The following PRMT7 variants were observed in gnomAD, a reference collection of about 807,000 sequenced individuals.
PRMT7 encodes protein arginine N-methyltransferase 7.
Under a neutral mutation model 85.4 loss-of-function variants are expected in PRMT7, and 75 were observed. The observed-to-expected ratio is 0.88, with a 90% CI of 0.73 to 1.06. The LOEUF (loss-of-function observed/expected upper bound fraction) is 1.06. Ranked by LOEUF, PRMT7 falls within the 50% of genes least tolerant of loss-of-function variation. The probability of loss-of-function intolerance (pLI) is 0.00; values close to 1 mark genes in which losing one functional copy is unlikely to be tolerated. For missense variants in PRMT7, 868 were observed against 915.2 expected, an observed-to-expected ratio of 0.95 and a Z score of 0.67; for synonymous variants, 397 against 359.5, an observed-to-expected ratio of 1.10 and a Z score of -1.18.
Position 68,339,862 on chromosome 16 carries a change from G to A in PRMT7, c.821G>A (p.Arg274Gln), listed in dbSNP as rs200225862. 1.4e-5 allele frequency: 23 copies of A among 1,614,170 alleles called. No individual in the cohort carries two copies. The highest frequency in any genetic ancestry group is 1.3e-4 in the South Asian group (12 of 91,082). ...CGGTTTGAACCTCTGACATCTGGCCGAGCTCAGGTGGTTCTCTCGTGGTGG... is the reference window on the plus strand; with the variant it reads ...CGGTTTGAACCTCTGACATCTGGCCAAGCTCAGGTGGTTCTCTCGTGGTGG... ...SRRFEPLTSGRAQVVLSWWDI... is the reference protein window; with the variant it reads ...SRRFEPLTSGQAQVVLSWWDI... The change falls in exon 9 of 19, where the codon CGA (arginine) becomes CAA (glutamine). Residue 274 changes from arginine (R) to glutamine (Q), a missense_variant. Transcript: ENST00000441236.
chr16:68,320,539 G>C (rs1339321684), intron 3 of PRMT7, among the ~76,000 whole-genome samples: 1 of 152,212 alleles, frequency 6.6e-6, no homozygotes, highest in Non-Finnish European at 1.5e-5. Context: ...GTTCAGGAAC[G>C]CCTTAAGCGA....
chr16:68,326,316 A>C (rs1363644475), intron 5 of PRMT7, among the ~76,000 whole-genome samples: 1 of 152,102 alleles, frequency 6.6e-6, no homozygotes, highest in Non-Finnish European at 1.5e-5. Context: ...CGTGATCTCT[A>C]TTCACCGCAA....
At chr16:68,334,348 C>A (rs911879049) in intron 6 of PRMT7, among the ~76,000 whole-genome samples, 2 of 152,136 alleles carry the variant, frequency 1.3e-5, no homozygotes, top group Non-Finnish European at 2.9e-5. Context: ...AAGTGGCTTC[C>A]TCATTGCCAA....
intron 6 of PRMT7, 58 bp from the exon 7 acceptor site, chr16:68,337,401 G>A: frequency 8.2e-7 from 1 of 1,215,956 alleles, no homozygotes. Context: ...CATATTTGCT[G>A]TAAATATTTT....
At chr16:68,344,957 C>CACACACACACACACACACAT (rs56139077) in intron 9 of PRMT7, among the ~76,000 whole-genome samples, 34 of 127,544 alleles carry the variant, frequency 2.7e-4, no homozygotes, top group Non-Finnish European at 5.4e-4. Flanking sequence ...CACACACACA[C>CACACACACACACACACACAT]GGGCATGCAC....
intron 9 of PRMT7, among the ~76,000 whole-genome samples, chr16:68,343,072 G>C (rs2085778029): frequency 6.6e-6 from 1 of 152,062 alleles, no homozygotes; most frequent in South Asian, 2.1e-4. Flanking sequence ...GCCGGGCATG[G>C]TGGCAGGCGC....
At position 68,348,288 on chromosome 16, in the gene PRMT7, G is replaced by C. The variant is rs958540416; in HGVS notation, c.1324-54G>C. 18 of 1,399,644 alleles carry C rather than the reference G, an allele frequency of 1.3e-5. No individual in the cohort carries two copies. The South Asian group carries it at 2.2e-4, about 17-fold the overall frequency. The allele number at this position is 1,399,644 out of a possible 1,614,324, so 86.7% of individuals were successfully genotyped here. On this transcript the variant is annotated intron_variant, in intron 13 of 18. Transcript: ENST00000441236. ...CAACTTTGAGAGATTTTTTTTTCCT[G>C]ACAAACACAATACTTTAGTATGAAT... is the stretch of plus-strand genomic sequence containing the variant.
chr16:68,352,178 C>T (rs1597477770), intron 14 of PRMT7, 70 bp from the exon 15 acceptor site: 6 of 1,504,096 alleles, frequency 4.0e-6, no homozygotes, highest in Admixed American at 1.8e-5. Flanking sequence ...CTGTTGCTTC[C>T]GTGTTCCTGT....
chr16:68,323,253 T>C (rs535449720), intron 4 of PRMT7, among the ~76,000 whole-genome samples: 204 of 148,438 alleles, frequency 1.4e-3, no homozygotes, highest in African/African-American at 5.0e-3. Context: ...TGAGTCTCCC[T>C]CTGTTGCCAG....
intron 5 of PRMT7, chr16:68,328,422 G>A (rs947357474): frequency 2.0e-5 from 3 of 150,784 alleles, no homozygotes; most frequent in Non-Finnish European, 4.4e-5. Flanking sequence ...AGCTGGATTT[G>A]CCAGTCTTTC....
chr16:68,322,403 G>T (rs1233081337), intron 4 of PRMT7: 2 of 451,246 alleles, frequency 4.4e-6, no homozygotes, highest in Middle Eastern at 5.4e-4. Flanking sequence ...TCGCTGTATT[G>T]CCCAGGCTGG....
chr16:68,327,214 A>G (rs1205981333), intron 5 of PRMT7, among the ~76,000 whole-genome samples: 1 of 152,214 alleles, frequency 6.6e-6, no homozygotes. Flanking sequence ...GGAAATACAG[A>G]AAAGGATTTA....
intron 2 of PRMT7, among the ~76,000 whole-genome samples, chr16:68,312,929 A>G (rs1270730501): frequency 1.3e-5 from 2 of 152,174 alleles, no homozygotes; most frequent in Non-Finnish European, 2.9e-5. Flanking sequence ...GGTTCAAGCA[A>G]TTCTCCTGCC....
At chr16:68,323,852 A>C (rs570682706) in intron 4 of PRMT7, 5 of 152,332 alleles carry the variant, frequency 3.3e-5, no homozygotes, top group African/African-American at 9.6e-5. Context: ...TTTTCAACAG[A>C]AGGGTCACTG....
intron 2 of PRMT7, among the ~76,000 whole-genome samples, chr16:68,313,183 C>A (rs1426020606): frequency 6.6e-6 from 1 of 151,992 alleles, no homozygotes; most frequent in Admixed American, 6.6e-5. Context: ...ACATCACAGA[C>A]AAGAAAGGAA....
At chr16:68,345,493 G>T (rs980585182) in intron 9 of PRMT7, among the ~76,000 whole-genome samples, 182 bp from the exon 10 acceptor site, 1 of 152,184 alleles carries the variant, frequency 6.6e-6, no homozygotes, top group Non-Finnish European at 1.5e-5. Flanking sequence ...CAGGGTTCCC[G>T]CAAACTTTTG....
intron 6 of PRMT7, among the ~76,000 whole-genome samples, chr16:68,331,729 A>G (rs2083938104): frequency 6.6e-6 from 1 of 152,134 alleles, no homozygotes; most frequent in African/African-American, 2.4e-5. Flanking sequence ...CCACCTCAGC[A>G]TCCCAAAGTC....
intron 3 of PRMT7, among the ~76,000 whole-genome samples, chr16:68,317,219 CAG>C (rs1408632597): frequency 6.1e-5 from 7 of 114,626 alleles, no homozygotes; most frequent in African/African-American, 1.1e-4. Flanking sequence ...GCCTGGGTAA[CAG>C]AGTGAGACTC....
chr16:68,355,560 A>T (rs898620691), intron 16 of PRMT7, 163 bp from the exon 17 acceptor site: 1 of 623,208 alleles, frequency 1.6e-6, no homozygotes, highest in African/African-American at 1.9e-5. Flanking sequence ...ATGAGAGAGA[A>T]GTGGCAGAGA....
Sources: gnomAD v4.1 joint callset for allele counts (sites outside exome capture counted in the v4.1 genomes callset) on GRCh38, gnomAD v4.1.1 for gene constraint, MANE v1.5 for transcripts, NCBI Gene and HGNC (gene_info 2026-07-23, HGNC 2026-07-21) for gene names.